SLC10A7: variants seen among roughly 807,000 people sequenced by gnomAD.
SLC10A7 encodes the protein sodium/bile acid cotransporter 7.
SLC10A7 carries 29 observed loss-of-function variants against 43.2 expected under a neutral mutation model. That is an observed-to-expected ratio of 0.67 (90% CI 0.50 to 0.92). The LOEUF is 0.92. SLC10A7 is among the 40% of genes least tolerant of loss of function. The pLI, the probability that SLC10A7 is intolerant of heterozygous loss-of-function variation, is 0.00. For missense variants in SLC10A7, 295 were observed against 403.2 expected (o/e 0.73, Z 2.30); for synonymous variants, 152 against 144.8 (o/e 1.05, Z -0.35).
At chr4:146,286,033 A>G (rs1729895293) in intron 9 of SLC10A7, among the ~76,000 whole-genome samples, 1 of 147,422 alleles carries the variant, frequency 6.8e-6, no homozygotes, top group Non-Finnish European at 1.5e-5. Context: ...GGTGAGAAGG[A>G]CTGTGTTTGG....
At chr4:146,332,782 G>C (rs917793152) in intron 5 of SLC10A7, among the ~76,000 whole-genome samples, 3 of 152,104 alleles carry the variant, frequency 2.0e-5, no homozygotes, top group Non-Finnish European at 2.9e-5. Context: ...TAATAATTTT[G>C]TTTTCCAAGT....
intron 4 of SLC10A7, among the ~76,000 whole-genome samples, chr4:146,489,166 C>G (rs1219641407): frequency 6.6e-6 from 1 of 152,198 alleles, no homozygotes; most frequent in Non-Finnish European, 1.5e-5. Context: ...GAAATATCAA[C>G]ACATCCATAA....
At chr4:146,414,303 C>A (rs750162528) in intron 5 of SLC10A7, among the ~76,000 whole-genome samples, 4 of 152,128 alleles carry the variant, frequency 2.6e-5, no homozygotes, top group Admixed American at 6.6e-5. Flanking sequence ...TGTGCCCCCA[C>A]GAAAAGACAC....
chr4:146,393,645 A>T (rs186946675), intron 5 of SLC10A7, among the ~76,000 whole-genome samples: 1 of 152,240 alleles, frequency 6.6e-6, no homozygotes, highest in East Asian at 1.9e-4. Flanking sequence ...AGTAATTTCT[A>T]TAAAACACAG....
At chr4:146,469,579 C>T (rs1438639906) in intron 4 of SLC10A7, among the ~76,000 whole-genome samples, 1 of 152,088 alleles carries the variant, frequency 6.6e-6, no homozygotes, top group African/African-American at 2.4e-5. Flanking sequence ...GATCACCATC[C>T]TCAAGAACAT....
rs137961489 is a variant in SLC10A7 at position 146,330,300 on chromosome 4, A to T, written c.436-4304T>A. On this transcript the variant is annotated intron_variant, in intron 5 of 11. Transcript: ENST00000335472. The stretch of plus-strand genomic sequence containing the variant: ...ATAGGACATGCAAAAAAAAGGCAAA[A>T]CTAAAGTGAAATTATGAAATTTTTG... Among the ~76,000 whole-genome samples, 483 of 152,314 alleles carry T rather than the reference A, an allele frequency of 3.2e-3. 10 individuals are homozygous for T. The highest frequency in any genetic ancestry group is 0.03 in the Admixed American group (452 of 15,294).
chr4:146,403,619 T>C (rs948292352), intron 5 of SLC10A7, among the ~76,000 whole-genome samples: 2 of 152,154 alleles, frequency 1.3e-5, no homozygotes, highest in African/African-American at 4.8e-5. Flanking sequence ...TATGTGCAAT[T>C]TGGGCGCTTG....
chr4:146,351,509 C>T (rs1441853550), intron 5 of SLC10A7, among the ~76,000 whole-genome samples: 60 of 149,588 alleles, frequency 4.0e-4, no homozygotes, highest in Non-Finnish European at 7.2e-4. Context: ...GGCAGGCCAA[C>T]GTTCAGATTC....
At chr4:146,361,690 C>A (rs190609829) in intron 5 of SLC10A7, among the ~76,000 whole-genome samples, 5 of 152,152 alleles carry the variant, frequency 3.3e-5, no homozygotes, top group Non-Finnish European at 7.4e-5. Context: ...GATAAATGTC[C>A]AAAAGCATCA....
At chr4:146,286,962 G>A (rs1321017949) in intron 9 of SLC10A7, among the ~76,000 whole-genome samples, 2 of 152,032 alleles carry the variant, frequency 1.3e-5, no homozygotes, top group East Asian at 2.0e-4. Context: ...GAAGGACTGA[G>A]TTTGGAGTGG....
intron 5 of SLC10A7, among the ~76,000 whole-genome samples, chr4:146,368,519 T>C (rs1277593681): frequency 1.3e-5 from 2 of 152,238 alleles, no homozygotes; most frequent in African/African-American, 2.4e-5. Flanking sequence ...TTATTATTTT[T>C]ACGTAGGTAG....
chr4:146,513,607 A>G (rs1462295746), intron 2 of SLC10A7, among the ~76,000 whole-genome samples: 2 of 152,224 alleles, frequency 1.3e-5, no homozygotes, highest in African/African-American at 4.8e-5. Context: ...ATGATGGTAC[A>G]GTAAAGAACC....
chr4:146,349,279 A>G (rs1734847421), intron 5 of SLC10A7, among the ~76,000 whole-genome samples: 1 of 152,216 alleles, frequency 6.6e-6, no homozygotes, highest in Non-Finnish European at 1.5e-5. Context: ...ATCAACAATT[A>G]TCAAAGAAAT....
intron 5 of SLC10A7, among the ~76,000 whole-genome samples, chr4:146,420,803 T>C (rs572078581): frequency 3.3e-5 from 5 of 152,126 alleles, no homozygotes; most frequent in African/African-American, 7.2e-5. Flanking sequence ...GGCAGGAGGA[T>C]TGCTTGAGGC....
chr4:146,402,131 G>A (rs927750780), intron 5 of SLC10A7, among the ~76,000 whole-genome samples: 1 of 152,162 alleles, frequency 6.6e-6, no homozygotes, highest in Admixed American at 6.5e-5. Context: ...TGCTACTGGA[G>A]TGAAACTGAT....
chr4:146,512,669 T>TA lies in SLC10A7; in HGVS notation c.184-2621dup, dbSNP rs35927519. Among the ~76,000 whole-genome samples the TA allele has an allele frequency of 2.0e-3, 311 of 152,322 alleles. 1 individual carries two copies. The highest frequency in any genetic ancestry group is 7.1e-3 in the African/African-American group (294 of 41,570). On this transcript the variant is annotated intron_variant, in intron 2 of 11. Transcript: ENST00000335472. ...CTCATTCCTTCATTTAAGTAATACT[T>TA]ACTGAGCACCTGGCACCATTCTAGG...
rs1423462151 is a variant in SLC10A7, at chr4:146,308,490, A to C, written c.472-2481T>G. 2.0e-5 allele frequency among the ~76,000 whole-genome samples: 3 copies of C among 152,294 alleles called. No individual in the cohort carries two copies. The East Asian group carries it at 5.8e-4, about 29-fold the overall frequency. ...GACACACAAAACCCAATCACTCTGCATGCAGAGGTGATTTTAACTAAAGCA... is the reference window on the plus strand; with the variant it reads ...GACACACAAAACCCAATCACTCTGCCTGCAGAGGTGATTTTAACTAAAGCA... On this transcript the variant is annotated intron_variant, in intron 6 of 11. Transcript: ENST00000335472.
chr4:146,363,350 C>A (rs4027057), intron 5 of SLC10A7, among the ~76,000 whole-genome samples: 1,665 of 152,054 alleles, frequency 0.011, 25 homozygotes, highest in African/African-American at 0.038. Context: ...AATGCAGCAT[C>A]CAGTTATATT....
At chr4:146,418,411 A>C (rs1222595193) in intron 5 of SLC10A7, among the ~76,000 whole-genome samples, 1 of 152,190 alleles carries the variant, frequency 6.6e-6, no homozygotes, top group Non-Finnish European at 1.5e-5. Flanking sequence ...ACTCTTCATG[A>C]ATACATATAA....
Sources: gnomAD v4.1 joint callset for allele counts (sites outside exome capture counted in the v4.1 genomes callset) on GRCh38, gnomAD v4.1.1 for gene constraint, MANE v1.5 for transcripts, NCBI Gene and HGNC (gene_info 2026-07-23, HGNC 2026-07-21) for gene names.